Variants in TCF4 observed in about 807,000 individuals in gnomAD.
TCF4 encodes transcription factor 4.
TCF4 carries 3 observed loss-of-function variants against 82.1 expected under a neutral mutation model. The observed-to-expected ratio is 0.04, with a 90% confidence interval of 0.02 to 0.09. The LOEUF (loss-of-function observed/expected upper bound fraction) is 0.09. Ranked by LOEUF, TCF4 falls within the 10% of genes least tolerant of loss-of-function variation. The pLI, the probability that TCF4 is intolerant of heterozygous loss-of-function variation, is 1.00. For missense variants in TCF4, 518 were observed against 852.7 expected, an observed-to-expected ratio of 0.61 and a Z score of 4.89; for synonymous variants, 276 against 309.6, an observed-to-expected ratio of 0.89 and a Z score of 1.14.
At chr18:55,277,371 A>G (rs1385549507) in intron 9 of TCF4, among the ~76,000 whole-genome samples, 1 of 152,176 alleles carries the variant, frequency 6.6e-6, no homozygotes, top group Non-Finnish European at 1.5e-5. Flanking sequence ...ATATCACTAA[A>G]CAAGAGTCTC....
At chr18:55,233,859 T>C (rs865915669) in intron 16 of TCF4, among the ~76,000 whole-genome samples, 54 of 148,756 alleles carry the variant, frequency 3.6e-4, no homozygotes, top group Middle Eastern at 3.5e-3. Flanking sequence ...TTATTATTCA[T>C]AAAAAATGGG....
At chr18:55,275,862 G>T in intron 9 of TCF4, 110 bp from the exon 10 acceptor site, 1 of 1,388,186 alleles carries the variant, frequency 7.2e-7, no homozygotes, top group Non-Finnish European at 1.0e-6. Flanking sequence ...ATTCATCTTT[G>T]TGTTGGTTAG....
intron 15 of TCF4, 60 bp from the exon 16 acceptor site, chr18:55,234,743 C>T: frequency 6.2e-7 from 1 of 1,612,260 alleles, no homozygotes; most frequent in South Asian, 1.1e-5. Context: ...CAGCTATTTC[C>T]AGAGGCCAAG....
chr18:55,322,439 A>AAC, intron 8 of TCF4: 1 of 1,008,238 alleles, frequency 9.9e-7, no homozygotes, highest in Non-Finnish European at 1.2e-6. Flanking sequence ...AAAAAAAAAA[A>AAC]AAAAAAAAAA....
At chr18:55,256,294 G>A (rs1180807047) in intron 14 of TCF4, among the ~76,000 whole-genome samples, 5 of 152,110 alleles carry the variant, frequency 3.3e-5, no homozygotes, top group Non-Finnish European at 7.4e-5. Context: ...ATAGTTGGAC[G>A]AAGCCTGGTT....
intron 3 of TCF4, among the ~76,000 whole-genome samples, chr18:55,533,621 T>C (rs1170800752): frequency 6.6e-6 from 1 of 152,220 alleles, no homozygotes; most frequent in Non-Finnish European, 1.5e-5. Context: ...TTCTTGACGT[T>C]TTTCACAATG....
intron 2 of TCF4, among the ~76,000 whole-genome samples, chr18:55,607,637 G>A (rs1019686341): frequency 2.6e-5 from 4 of 152,108 alleles, no homozygotes; most frequent in African/African-American, 7.2e-5. Context: ...CTGTTCACAC[G>A]TTCCATTTTC....
intron 8 of TCF4, among the ~76,000 whole-genome samples, chr18:55,308,426 G>A (rs1032020006): frequency 2.6e-5 from 4 of 152,174 alleles, no homozygotes; most frequent in African/African-American, 4.8e-5. Context: ...AAAACAGCAA[G>A]AGCAGAGGCA....
At chr18:55,617,811 CTGTGTGTGTGTGTGTG>C (rs74182107) in intron 2 of TCF4, among the ~76,000 whole-genome samples, 3 of 140,610 alleles carry the variant, frequency 2.1e-5, no homozygotes, top group African/African-American at 2.6e-5. Flanking sequence ...TTAATTCTAA[CTGTGTGTGTGTGTGTG>C]TGTGTGTGTG....
At chr18:55,627,976 C>T (rs918801504) in intron 2 of TCF4, among the ~76,000 whole-genome samples, 1 of 152,128 alleles carries the variant, frequency 6.6e-6, no homozygotes, top group African/African-American at 2.4e-5. Context: ...AGAAGAATGG[C>T]GTGAACCCGG....
At position 55,225,747 on chromosome 18, in the gene TCF4, T is replaced by G. The variant is rs1003354178; in HGVS notation, c.*2288A>C. 2.0e-5 allele frequency: 3 copies of G among 152,542 alleles called. No homozygotes were observed. The highest frequency in any genetic ancestry group is 4.4e-5 in the Non-Finnish European group (3 of 67,996). The allele number at this position is 152,542 out of a possible 1,614,324, so 9.4% of individuals were successfully genotyped here. A position where few individuals can be genotyped will look rare whatever the true frequency, so the allele number is the denominator to read the frequency against. The stretch of plus-strand genomic sequence containing the variant: ...TTCACAGGAAAGCCCCAAAATAACT[T>G]TTCATGAAGTTTGATTTCTGCTATT... On this transcript the variant is annotated 3_prime_UTR_variant, in exon 20 of 20. Transcript: ENST00000354452.
At chr18:55,478,533 C>T (rs2096350096) in intron 3 of TCF4, among the ~76,000 whole-genome samples, 1 of 152,172 alleles carries the variant, frequency 6.6e-6, no homozygotes, top group South Asian at 2.1e-4. Context: ...GGGCCAAATT[C>T]TGGGAGGCAA....
rs939967253 is a variant in TCF4 at position 55,633,871 on chromosome 18, C to A, written c.195+1832G>T. Among the ~76,000 whole-genome samples the A allele has an allele frequency of 6.7e-6, 1 of 149,774 alleles. No homozygotes were observed. Among genetic ancestry groups the A allele is most frequent in the Non-Finnish European group, 1.5e-5 (1 of 67,584 alleles). On this transcript the variant is annotated intron_variant, in intron 1 of 20. Coordinates refer to the TCF4 transcript ENST00000398339. The surrounding 1 kb of genome is among the most constrained non-coding windows in gnomAD (Gnocchi z 4.0). ...ACAGCTGTATACAAAGGCTAAAAAC[C>A]AAACCAAAACAAAAAAGGCACAAAA...
At position 55,362,417 on chromosome 18, in the gene TCF4, GGAAGGAAGGAAGGAAGGAAA is replaced by G. The variant is rs1241320834; in HGVS notation, c.370-11434_370-11415del. On this transcript the variant is annotated intron_variant, in intron 6 of 19. Transcript: ENST00000354452. ...AAGAAGGAAGGAAGGAAGGAAGGAA[GGAAGGAAGGAAGGAAGGAAA>G]AAAAAAAAGAAGAAAACATGTATCT... Among the ~76,000 whole-genome samples the G allele has an allele frequency of 3.7e-3, 514 of 137,550 alleles. 6 individuals are homozygous for G. Among genetic ancestry groups the G allele is most frequent in the Non-Finnish European group, 5.6e-3 (345 of 62,152 alleles). 90.2% of individuals were successfully genotyped at this position (137,550 alleles called of 152,430 possible).
At chr18:55,308,056 A>G (rs1281049512) in intron 8 of TCF4, among the ~76,000 whole-genome samples, 5 of 152,184 alleles carry the variant, frequency 3.3e-5, no homozygotes, top group Non-Finnish European at 7.3e-5. Flanking sequence ...AGCACTACCA[A>G]CGCTAACTGG....
At chr18:55,351,311 T>C (rs1396391403) in intron 6 of TCF4, 1 of 320,940 alleles carries the variant, frequency 3.1e-6, no homozygotes, top group African/African-American at 2.2e-5. Flanking sequence ...AAGACTAATG[T>C]TTCCTTTCTC....
At chr18:55,345,373 CTT>C (rs1478616706) in intron 8 of TCF4, among the ~76,000 whole-genome samples, 1 of 151,126 alleles carries the variant, frequency 6.6e-6, no homozygotes, top group Admixed American at 6.6e-5. Flanking sequence ...CACAAAAATA[CTT>C]TCTCTGTCAT....
intron 3 of TCF4, among the ~76,000 whole-genome samples, chr18:55,573,879 C>T (rs922391412): frequency 3.3e-5 from 5 of 152,144 alleles, no homozygotes; most frequent in Non-Finnish European, 5.9e-5. Context: ...AAAGTATTAC[C>T]TGACACATGG....
At chr18:55,536,003 CT>C (rs2097111242) in intron 3 of TCF4, among the ~76,000 whole-genome samples, 1 of 152,154 alleles carries the variant, frequency 6.6e-6, no homozygotes, top group Non-Finnish European at 1.5e-5. Context: ...CATTCTCAAT[CT>C]GAGATATATT....
Sources: gnomAD v4.1 joint callset for allele counts (sites outside exome capture counted in the v4.1 genomes callset) on GRCh38, gnomAD v4.1.1 for gene constraint, Gnocchi (gnomAD v3.1) non-coding constraint, MANE v1.5 for transcripts, NCBI Gene and HGNC (gene_info 2026-07-23, HGNC 2026-07-21) for gene names.